The following ZNF75D variants were observed in gnomAD, a reference collection of about 807,000 sequenced individuals.
The protein encoded by ZNF75D is zinc finger protein 75.
A neutral mutation model predicts 33.3 loss-of-function variants in ZNF75D; 33 were observed. That is an observed-to-expected ratio of 0.99 (90% CI 0.75 to 1.32). The LOEUF (loss-of-function observed/expected upper bound fraction) is 1.32. Ranked by LOEUF, ZNF75D falls within the 40% of genes most tolerant of loss-of-function variation. The pLI is 0.00. For missense variants in ZNF75D, 338 were observed against 367.5 expected (o/e 0.92, Z 0.66); for synonymous variants, 113 against 130.6 (o/e 0.87, Z 0.92).
chrX:135,258,127 A>G (rs781908465), intron 1 of ZNF75D, among the ~76,000 whole-genome samples: 44 of 102,640 alleles, frequency 4.3e-4, no homozygotes, highest in African/African-American at 1.3e-3. Context: ...CCATGTCCCT[A>G]CAAAGGACAT....
At chrX:135,288,423 G>C (rs782709616) in intron 6 of ZNF75D, among the ~76,000 whole-genome samples, 1 of 112,348 alleles carries the variant, frequency 8.9e-6, no homozygotes, top group South Asian at 3.7e-4. Flanking sequence ...GTAGGATTGT[G>C]TACTTTGTAA....
At chrX:135,256,407 C>G (rs1186181677) in intron 1 of ZNF75D, among the ~76,000 whole-genome samples, 1 of 110,615 alleles carries the variant, frequency 9.0e-6, no homozygotes, top group Non-Finnish European at 1.9e-5. Flanking sequence ...CAGCCAGTGC[C>G]CACACACAGG....
chrX:135,322,888 TAAGAG>T (rs782227276), intron 1 of ZNF75D, among the ~76,000 whole-genome samples: 1 of 112,152 alleles, frequency 8.9e-6, no homozygotes, highest in Non-Finnish European at 1.9e-5. Context: ...ATAACTGCCC[TAAGAG>T]TATAGGGGGT....
chrX:135,302,489 A>G (rs1217222416), intron 1 of ZNF75D, among the ~76,000 whole-genome samples: 6 of 112,670 alleles, frequency 5.3e-5, no homozygotes, highest in African/African-American at 1.9e-4. Flanking sequence ...GAGAAAGAAA[A>G]GTTCTGTGGC....
intron 1 of ZNF75D, among the ~76,000 whole-genome samples, chrX:135,261,344 G>A (rs1313341693): frequency 8.9e-6 from 1 of 112,032 alleles, no homozygotes; most frequent in African/African-American, 3.2e-5. Context: ...TCAGGTCCTG[G>A]ATATCCTTGT....
chrX:135,329,031 A>C (rs2084618196), intron 1 of ZNF75D, among the ~76,000 whole-genome samples: 1 of 112,021 alleles, frequency 8.9e-6, no homozygotes, highest in Non-Finnish European at 1.9e-5. Context: ...TTTTGTGGAA[A>C]TACACTCAAA....
intron 1 of ZNF75D, among the ~76,000 whole-genome samples, chrX:135,299,455 C>G (rs182915727): frequency 2.4e-4 from 27 of 111,485 alleles, no homozygotes; most frequent in African/African-American, 8.5e-4. Flanking sequence ...TTTTTCAGAT[C>G]CTTTGCTCAT....
intron 1 of ZNF75D, among the ~76,000 whole-genome samples, chrX:135,302,660 A>G (rs2084233861): frequency 8.9e-6 from 1 of 112,063 alleles, no homozygotes; most frequent in African/African-American, 3.2e-5. Context: ...GTCAGTCGTG[A>G]TCTAAATCAC....
intron 1 of ZNF75D, among the ~76,000 whole-genome samples, chrX:135,320,351 C>T (rs1005383630): frequency 9.1e-6 from 1 of 110,019 alleles, no homozygotes; most frequent in African/African-American, 3.3e-5. Flanking sequence ...CCAATCCATA[C>T]TAATTGGCCT....
chrX:135,303,346 T>C (rs782527050), intron 1 of ZNF75D, among the ~76,000 whole-genome samples: 52 of 111,576 alleles, frequency 4.7e-4, no homozygotes, highest in Admixed American at 4.5e-3. Flanking sequence ...TATTTCAGAC[T>C]ATCACATGGG....
chrX:135,291,029 T>C lies in ZNF75D; in HGVS notation c.803A>G (p.Tyr268Cys). Residue 268 changes from tyrosine (Y) to cysteine (C), a missense_variant, in exon 6 of 7, where the codon TAT becomes TGT. Around this residue, in one of 3 missense-constraint regions of ZNF75D, gnomAD observed 254 missense variants for 267.7 expected, o/e 0.95. Transcript: ENST00000370766. ...TLYNDVMQDI[Y>C]ETVISLGLKL... ...TTTACCTAGAGAGATGACAGTCTCA[T>C]AGATATCCTGCATTACATCATTGTA... The C allele has an allele frequency of 1.7e-6, 2 of 1,208,823 alleles. No homozygotes were observed. Among genetic ancestry groups the C allele is most frequent in the Non-Finnish European group, 1.1e-6 (1 of 892,788 alleles).
chrX:135,342,066 T>C lies in ZNF75D; in HGVS notation c.-689A>G, dbSNP rs782773620. ...ATATCAATTTTCAAGCCCTACATCA[T>C]AGTTTAGTTCACAGGGATCTTATCA... On this transcript the variant is annotated 5_prime_UTR_variant, in exon 1 of 7. An upstream start codon of the reference 5' UTR is lost. Coordinates refer to ENST00000370766, the MANE Select transcript of ZNF75D (RefSeq NM_007131.5). 8.9e-6 allele frequency: 1 copy of C among 112,296 alleles called. No homozygotes were observed. The highest frequency in any genetic ancestry group is 1.9e-5 in the Non-Finnish European group (1 of 53,253). The allele number at this position is 112,296 out of a possible 1,213,427, so 9.3% of individuals were successfully genotyped here.
At chrX:135,340,031 T>C (rs2084764822) in intron 1 of ZNF75D, among the ~76,000 whole-genome samples, 1 of 112,674 alleles carries the variant, frequency 8.9e-6, no homozygotes, top group South Asian at 3.6e-4. Context: ...CAAATGCTTT[T>C]ACAGTTGTGA....
intron 1 of ZNF75D, among the ~76,000 whole-genome samples, chrX:135,321,120 G>C (rs2084490295): frequency 8.9e-6 from 1 of 111,749 alleles, no homozygotes; most frequent in South Asian, 3.7e-4. Flanking sequence ...AGGTAGAAGG[G>C]CTAGAGAGGA....
chrX:135,325,651 G>A (rs1366044580), intron 1 of ZNF75D, among the ~76,000 whole-genome samples: 5 of 112,714 alleles, frequency 4.4e-5, no homozygotes, highest in African/African-American at 1.6e-4. Context: ...GCCCACCGGC[G>A]ATGCACTCGA....
intron 1 of ZNF75D, among the ~76,000 whole-genome samples, chrX:135,272,290 G>A (rs1322855377): frequency 9.9e-6 from 1 of 100,629 alleles, no homozygotes; most frequent in Non-Finnish European, 2.0e-5. Context: ...TGGTCTCTGG[G>A]GTGTGAGATT....
At chrX:135,297,807 G>C (rs1556423499) in intron 1 of ZNF75D, 1 of 111,831 alleles carries the variant, frequency 8.9e-6, no homozygotes, top group Non-Finnish European at 1.9e-5. Flanking sequence ...TTACAGAAAG[G>C]AATCTGAAAA....
chrX:135,321,329 C>T (rs1334959584), intron 1 of ZNF75D, among the ~76,000 whole-genome samples: 4 of 112,349 alleles, frequency 3.6e-5, no homozygotes, highest in Non-Finnish European at 7.5e-5. Context: ...GGAGGGGACA[C>T]ATTCAAATTA....
chrX:135,339,779 G>C (rs1484319668), intron 1 of ZNF75D, among the ~76,000 whole-genome samples: 1 of 111,835 alleles, frequency 8.9e-6, no homozygotes, highest in Non-Finnish European at 1.9e-5. Flanking sequence ...CCCAGCTCTA[G>C]AAGAGCCCTA....
Sources: gnomAD v4.1 joint callset for allele counts (sites outside exome capture counted in the v4.1 genomes callset) on GRCh38, gnomAD v4.1.1 for gene constraint, gnomAD v4.1.1 regional missense constraint, MANE v1.5 for transcripts, NCBI Gene and HGNC (gene_info 2026-07-23, HGNC 2026-07-21) for gene names.